The following RASGRP3 variants were observed in gnomAD, a reference collection of about 807,000 sequenced individuals.
RASGRP3 encodes RAS guanyl releasing protein 3.
In RASGRP3, 54 loss-of-function variants were observed where a neutral mutation model predicts 82.7. That is an observed-to-expected ratio of 0.65 (90% CI 0.52 to 0.82). RASGRP3 has a LOEUF of 0.82. Among genes scored for constraint, RASGRP3 ranks in the 40% least tolerant of loss-of-function variants. RASGRP3 has a pLI of 0.00. For missense variants in RASGRP3, 861 were observed against 828.9 expected (o/e 1.04, Z -0.48); for synonymous variants, 309 against 300.5 (o/e 1.03, Z -0.29).
intron 1 of RASGRP3, among the ~76,000 whole-genome samples, chr2:33,508,549 T>C (rs920169992): frequency 6.6e-6 from 1 of 152,168 alleles, no homozygotes; most frequent in African/African-American, 2.4e-5. Context: ...AAATTTCTCA[T>C]TTTTATGGAA....
At chr2:33,547,386 A>G (rs1243584334) in intron 13 of RASGRP3, among the ~76,000 whole-genome samples, 1 of 118,370 alleles carries the variant, frequency 8.4e-6, no homozygotes, top group Non-Finnish European at 1.6e-5. Context: ...CCTACGCAAA[A>G]TAACTTTAAT....
Position 33,502,501 on chromosome 2 carries a change from C to CTTT in RASGRP3, c.-260-9197_-260-9195dup, listed in dbSNP as rs3083004. Among the ~76,000 whole-genome samples, 129 of 135,744 alleles carry CTTT rather than the reference C, an allele frequency of 9.5e-4. 1 individual carries two copies. The highest frequency in any genetic ancestry group is 1.7e-3 in the East Asian group (8 of 4,820). 89.1% of individuals were successfully genotyped at this position (135,744 alleles called of 152,430 possible). On this transcript the variant is annotated intron_variant, in intron 1 of 17. Transcript: ENST00000403687. ...TAACTGTCTCTTTCTTTTTTTCTTTCTTTTTTTTTTTTTTGAGATGGAATT... is the reference window on the plus strand; with the variant it reads ...TAACTGTCTCTTTCTTTTTTTCTTTCTTTTTTTTTTTTTTTTTGAGATGGAATT...
chr2:33,502,246 C>G (rs77706037), intron 1 of RASGRP3, among the ~76,000 whole-genome samples: 2 of 151,946 alleles, frequency 1.3e-5, no homozygotes, highest in Non-Finnish European at 2.9e-5. Context: ...GACAGTTACA[C>G]CAAGGAACTG....
intron 7 of RASGRP3, 122 bp downstream of exon 7, chr2:33,522,224 C>T: frequency 1.9e-6 from 2 of 1,067,432 alleles, no homozygotes; most frequent in Non-Finnish European, 2.7e-6. Context: ...TGGAGAAGTG[C>T]CCTTAATTCA....
At chr2:33,513,908 A>C (rs1467813271) in intron 2 of RASGRP3, 1 of 152,218 alleles carries the variant, frequency 6.6e-6, no homozygotes, top group Admixed American at 6.5e-5. Flanking sequence ...AGGCAAAACT[A>C]TGATGGTTTG....
intron 13 of RASGRP3, among the ~76,000 whole-genome samples, chr2:33,546,240 G>A (rs559365719): frequency 1.3e-5 from 2 of 151,776 alleles, no homozygotes; most frequent in Non-Finnish European, 2.9e-5. Flanking sequence ...TGGCTAACAC[G>A]GTGAAACTCT....
At chr2:33,514,294 A>T (rs75024176) in intron 2 of RASGRP3, among the ~76,000 whole-genome samples, 2,763 of 152,052 alleles carry the variant, frequency 0.018, 95 homozygotes, top group African/African-American at 0.062. Context: ...GCTTCTAAAA[A>T]TTTTTTCCTT....
At chr2:33,524,578 A>T (rs540933381) in intron 9 of RASGRP3, 30 bp downstream of exon 9, 1 of 1,465,184 alleles carries the variant, frequency 6.8e-7, no homozygotes, top group Admixed American at 2.1e-5. Context: ...AATCAAAAGT[A>T]AAAAAATGCA....
At position 33,519,919 on chromosome 2, in the gene RASGRP3, G is replaced by A; in HGVS notation, c.174-33G>A. On this transcript the variant is annotated intron_variant, in intron 4 of 17. Coordinates refer to ENST00000403687, the MANE Select transcript of RASGRP3 (RefSeq NM_001139488.2). ...CTGCAGGGGTGTGCAAAGGAAAGGA[G>A]GTGCAAGGATTTTTTTTCTTTAACT... 5 of 1,545,300 alleles carry A rather than the reference G, an allele frequency of 3.2e-6. No individual in the cohort carries two copies. In the South Asian group the frequency reaches 4.7e-5, roughly 14 times the overall value.
chr2:33,446,459 A>T (rs1665506395), intron 1 of RASGRP3, among the ~76,000 whole-genome samples: 1 of 148,364 alleles, frequency 6.7e-6, no homozygotes, highest in Admixed American at 6.8e-5. Flanking sequence ...CACCCGGCCC[A>T]AGTAGGGCAA....
chr2:33,514,230 T>G (rs2168395), intron 2 of RASGRP3, among the ~76,000 whole-genome samples: 34,218 of 152,022 alleles, frequency 0.23, 4,535 homozygotes, highest in East Asian at 0.37. Context: ...AAGTAGAATC[T>G]GTTACAGTTG....
At position 33,466,857 on chromosome 2, in the gene RASGRP3, A is replaced by G. The variant is rs191300065; in HGVS notation, c.-261+18914A>G. Among the ~76,000 whole-genome samples the G allele has an allele frequency of 9.1e-4, 139 of 152,206 alleles. 1 individual carries two copies. Among genetic ancestry groups the G allele is most frequent in the Admixed American group, 4.8e-3 (74 of 15,292 alleles). On this transcript the variant is annotated intron_variant, in intron 2 of 18. Coordinates refer to the RASGRP3 transcript ENST00000402538. Reference sequence around the variant, plus strand: ...GTCTAGGAAAACTTCTATGGCTGCTAAGTCATTCTGGGGAGGTAAATGCTC... The same window carrying G: ...GTCTAGGAAAACTTCTATGGCTGCTGAGTCATTCTGGGGAGGTAAATGCTC...
At chr2:33,456,738 A>C (rs1666059657) in intron 2 of RASGRP3, among the ~76,000 whole-genome samples, 1 of 152,214 alleles carries the variant, frequency 6.6e-6, no homozygotes, top group South Asian at 2.1e-4. Context: ...TTTTCTAAAA[A>C]TAATTAATCC....
intron 2 of RASGRP3, among the ~76,000 whole-genome samples, chr2:33,452,008 T>C (rs1395924992): frequency 6.6e-6 from 1 of 152,142 alleles, no homozygotes; most frequent in Non-Finnish European, 1.5e-5. Context: ...GAGGCTACTG[T>C]TGAAGCTCTC....
upstream of RASGRP3, chr2:33,476,513 G>A (rs1349888702): frequency 6.6e-6 from 1 of 152,226 alleles, no homozygotes; most frequent in Admixed American, 6.5e-5. Context: ...GGTGGTTTGC[G>A]AGTGAGGAGA....
chr2:33,500,843 A>G (rs1244374963), intron 1 of RASGRP3, among the ~76,000 whole-genome samples: 1 of 152,176 alleles, frequency 6.6e-6, no homozygotes, highest in Non-Finnish European at 1.5e-5. Flanking sequence ...CTGAGGCAGG[A>G]GAATCGCTTG....
rs1677056166 is a variant in RASGRP3 at position 33,564,688 on chromosome 2, A to G, written c.*1951A>G. 1 of 152,178 alleles carries G rather than the reference A, an allele frequency of 6.6e-6. No homozygotes were observed. Among genetic ancestry groups the G allele is most frequent in the South Asian group, 2.1e-4 (1 of 4,830 alleles). The allele number at this position is 152,178 out of a possible 1,614,324, so 9.4% of individuals were successfully genotyped here. ...TTGCCAGCCTTCCTGTGATAAAGAT[A>G]TTAAATGTAACTTGAGTAAAAAATA... On this transcript the variant is annotated 3_prime_UTR_variant, in exon 18 of 18. Coordinates refer to ENST00000403687, the MANE Select transcript of RASGRP3 (RefSeq NM_001139488.2).
At chr2:33,501,474 C>T (rs1308930203) in intron 1 of RASGRP3, among the ~76,000 whole-genome samples, 1 of 152,204 alleles carries the variant, frequency 6.6e-6, no homozygotes, top group Non-Finnish European at 1.5e-5. Context: ...AGCTACCTAA[C>T]TCATTTCCAA....
intron 4 of RASGRP3, among the ~76,000 whole-genome samples, chr2:33,518,066 G>T (rs1436176125): frequency 6.6e-6 from 1 of 152,126 alleles, no homozygotes; most frequent in Non-Finnish European, 1.5e-5. Flanking sequence ...TATTAAAGAA[G>T]AAATTAGAGT....
Sources: gnomAD v4.1 joint callset for allele counts (sites outside exome capture counted in the v4.1 genomes callset) on GRCh38, gnomAD v4.1.1 for gene constraint, MANE v1.5 for transcripts, NCBI Gene and HGNC (gene_info 2026-07-23, HGNC 2026-07-21) for gene names.